The following ACBD6 variants were observed in gnomAD, a reference collection of about 807,000 sequenced individuals.
ACBD6 encodes the protein acyl-CoA binding domain containing 6.
ACBD6 carries 28 observed loss-of-function variants against 37.2 expected under a neutral mutation model. That is an observed-to-expected ratio of 0.75 (90% CI 0.56 to 1.03). The LOEUF is 1.03. Ranked by LOEUF, ACBD6 falls within the 50% of genes least tolerant of loss-of-function variation. The pLI is 0.00. For synonymous variants in ACBD6, 113 were observed against 126.8 expected, an observed-to-expected ratio of 0.89 and a Z score of 0.73; for missense variants, 340 against 337.4, an observed-to-expected ratio of 1.01 and a Z score of -0.06.
At chr1:180,287,131 G>C (rs1388512631), downstream of ACBD6, 1 of 152,068 alleles carries the variant, frequency 6.6e-6, no homozygotes, top group Non-Finnish European at 1.5e-5. Context: ...ACCTGGCTGG[G>C]CACAGTGGCT....
chr1:180,271,785 G>A (rs753340896), exon 14 of ACBD6: 22 of 1,603,064 alleles, frequency 1.4e-5, no homozygotes, highest in Non-Finnish European at 1.8e-5. Context: ...TGGGGGCTTT[G>A]GGTTTGTGGT....
intron 3 of ACBD6, among the ~76,000 whole-genome samples, chr1:180,476,393 AT>A (rs1035606389): frequency 3.3e-4 from 50 of 149,762 alleles, no homozygotes; most frequent in Non-Finnish European, 3.1e-4. Context: ...AATGGGTTAA[AT>A]TTTTTTTTTT....
chr1:180,473,459 A>C (rs6425640), intron 3 of ACBD6, among the ~76,000 whole-genome samples: 12 of 150,924 alleles, frequency 8.0e-5, no homozygotes, highest in South Asian at 2.1e-4. Flanking sequence ...AAAAAAAAAA[A>C]AAAAAACTTT....
At chr1:180,372,379 T>C (rs1210373838) in intron 6 of ACBD6, among the ~76,000 whole-genome samples, 2 of 152,148 alleles carry the variant, frequency 1.3e-5, no homozygotes, top group Admixed American at 6.5e-5. Context: ...TATATCAGTA[T>C]GCACCTAAAA....
intron 6 of ACBD6, among the ~76,000 whole-genome samples, chr1:180,395,089 A>C (rs1423216664): frequency 6.6e-6 from 1 of 152,226 alleles, no homozygotes; most frequent in African/African-American, 2.4e-5. Flanking sequence ...AGAAACAGGA[A>C]TTCTCTCACA....
intron 3 of ACBD6, among the ~76,000 whole-genome samples, chr1:180,437,627 C>T (rs1649098185): frequency 6.6e-6 from 1 of 152,118 alleles, no homozygotes. Flanking sequence ...AAGATTCCAC[C>T]CAATCTGTTA....
At chr1:180,334,840 T>C (rs1049493041) in intron 6 of ACBD6, among the ~76,000 whole-genome samples, 22 of 152,002 alleles carry the variant, frequency 1.4e-4, no homozygotes, top group African/African-American at 5.1e-4. Flanking sequence ...CTGAAAACCA[T>C]GGCACGAGAA....
intron 3 of ACBD6, chr1:180,435,263 T>TTTTGA (rs1648983506): frequency 1.6e-6 from 1 of 614,012 alleles, no homozygotes; most frequent in Non-Finnish European, 3.1e-6. Flanking sequence ...TGCATTTTTT[T>TTTTGA]TTTGAGACGG....
chr1:180,299,579 T>C (rs866014622), intron 7 of ACBD6, among the ~76,000 whole-genome samples: 5 of 152,132 alleles, frequency 3.3e-5, no homozygotes, highest in South Asian at 2.1e-4. Flanking sequence ...TTTTATTTTA[T>C]TTATTTTCAC....
At chr1:180,289,858 C>T (rs1055169175) in intron 7 of ACBD6, among the ~76,000 whole-genome samples, 5 of 151,896 alleles carry the variant, frequency 3.3e-5, no homozygotes, top group African/African-American at 4.8e-5. Context: ...TTTTGCAAAC[C>T]GGTAAAACTA....
At chr1:180,338,118 T>C (rs78376793) in intron 6 of ACBD6, among the ~76,000 whole-genome samples, 1 of 152,182 alleles carries the variant, frequency 6.6e-6, no homozygotes. Context: ...AGGTAATTTA[T>C]AGATTCAATG....
At chr1:180,335,608 G>C (rs1266620754) in intron 6 of ACBD6, among the ~76,000 whole-genome samples, 2 of 151,056 alleles carry the variant, frequency 1.3e-5, no homozygotes, top group African/African-American at 4.9e-5. Flanking sequence ...ATCAACTAAC[G>C]AGCAAAATAA....
At position 180,462,700 on chromosome 1, in the gene ACBD6, G is replaced by A. The variant is rs140358127; in HGVS notation, c.384+29569C>T. Among the ~76,000 whole-genome samples, 726 of 152,212 alleles carry A rather than the reference G, an allele frequency of 4.8e-3. 11 individuals carry two copies. The highest frequency in any genetic ancestry group is 0.016 in the African/African-American group (685 of 41,534). ...GATGAAAAATTAACAAAGAAATTCA[G>A]GACCTGAACTCAGCTCTGGATCAAA... On this transcript the variant is annotated intron_variant, in intron 3 of 7. Coordinates refer to ENST00000367595, the MANE Select transcript of ACBD6 (RefSeq NM_032360.4).
chr1:180,416,474 T>C (rs962421746), intron 4 of ACBD6, among the ~76,000 whole-genome samples: 2 of 152,212 alleles, frequency 1.3e-5, no homozygotes, highest in Admixed American at 6.5e-5. Context: ...CTTGATTTTT[T>C]ACTCAGGTAT....
At chr1:180,398,295 A>T (rs1347697037) in intron 5 of ACBD6, among the ~76,000 whole-genome samples, 1 of 152,204 alleles carries the variant, frequency 6.6e-6, no homozygotes, top group Admixed American at 6.5e-5. Flanking sequence ...TTTCTTAAAT[A>T]TTATGTCCAT....
chr1:180,277,716 TTC>T (rs1206307873), intron 9 of ACBD6: 1 of 152,200 alleles, frequency 6.6e-6, no homozygotes, highest in Non-Finnish European at 1.5e-5. Flanking sequence ...TCTTTGTGCT[TTC>T]TCTTTCTTGT....
At chr1:180,437,853 G>A (rs1229989674) in intron 3 of ACBD6, among the ~76,000 whole-genome samples, 1 of 152,186 alleles carries the variant, frequency 6.6e-6, no homozygotes, top group Non-Finnish European at 1.5e-5. Context: ...AAGTGAAGAA[G>A]TGAGTCTTGC....
intron 1 of ACBD6, among the ~76,000 whole-genome samples, chr1:180,496,916 AGAG>A (rs972041768): frequency 9.4e-5 from 11 of 116,876 alleles, no homozygotes; most frequent in African/African-American, 4.4e-4. Flanking sequence ...TTATAAATGA[AGAG>A]AGAAGCTCAG....
intron 6 of ACBD6, among the ~76,000 whole-genome samples, chr1:180,328,561 C>A (rs73046442): frequency 6.6e-6 from 1 of 151,404 alleles, no homozygotes; most frequent in African/African-American, 2.4e-5. Flanking sequence ...ATATGGCTAA[C>A]GAGAAAATTT....
Sources: gnomAD v4.1 joint callset for allele counts (sites outside exome capture counted in the v4.1 genomes callset) on GRCh38, gnomAD v4.1.1 for gene constraint, MANE v1.5 for transcripts, NCBI Gene and HGNC (gene_info 2026-07-23, HGNC 2026-07-21) for gene names.